DYSF: variants seen among roughly 807,000 people sequenced by gnomAD.
The protein encoded by DYSF is dystrophy-associated fer-1-like 1.
A neutral mutation model predicts 274.9 loss-of-function variants in DYSF; 212 were observed. The observed-to-expected ratio is 0.77, with a 90% CI of 0.69 to 0.86. The LOEUF (loss-of-function observed/expected upper bound fraction) is 0.86, where lower values mean the gene tolerates loss of function less well. DYSF is among the 40% of genes least tolerant of loss of function. DYSF has a pLI of 0.00. For missense variants in DYSF, 2,666 were observed against 2,783.2 expected, an observed-to-expected ratio of 0.96 and a Z score of 0.95; for synonymous variants, 1,091 against 1,078.7, an observed-to-expected ratio of 1.01 and a Z score of -0.22.
intron 30 of DYSF, among the ~76,000 whole-genome samples, chr2:71,583,439 A>G (rs768111707): frequency 6.6e-6 from 1 of 152,176 alleles, no homozygotes; most frequent in African/African-American, 2.4e-5. Flanking sequence ...CTGCTGGAGC[A>G]GGGAAGGTCT....
intron 17 of DYSF, among the ~76,000 whole-genome samples, chr2:71,547,091 A>G (rs2090535528): frequency 6.6e-6 from 1 of 152,254 alleles, no homozygotes; most frequent in Admixed American, 6.5e-5. Flanking sequence ...AAACACAATA[A>G]AACACTTGTG....
At chr2:71,479,387 C>T (rs1486843766) in intron 1 of DYSF, among the ~76,000 whole-genome samples, 3 of 151,838 alleles carry the variant, frequency 2.0e-5, no homozygotes, top group African/African-American at 7.2e-5. Context: ...TGGGGGAACC[C>T]CTCACCCTGA....
At chr2:71,558,900 G>A (rs2091524680) in intron 22 of DYSF, among the ~76,000 whole-genome samples, 1 of 152,122 alleles carries the variant, frequency 6.6e-6, no homozygotes, top group Non-Finnish European at 1.5e-5. Context: ...CAGCTAGAGG[G>A]CTTCCTCCAC....
chr2:71,481,406 C>T (rs191490687), intron 2 of DYSF, among the ~76,000 whole-genome samples: 1 of 152,342 alleles, frequency 6.6e-6, no homozygotes, highest in East Asian at 1.9e-4. Context: ...TGGATGGGGT[C>T]GGATGCACAG....
At position 71,520,250 on chromosome 2, in the gene DYSF, CT is replaced by C. The variant is rs149875093; in HGVS notation, c.1033+43del. On this transcript the variant is annotated intron_variant, in intron 11 of 55. Coordinates refer to ENST00000410020, the MANE Select transcript of DYSF (RefSeq NM_001130987.2). ...TTGGCCGTATCCTTGCATTTTGGTT[CT>C]GGAGGCTGATTGGGGACACTCATTT... 73,909 of 1,612,022 alleles carry C rather than the reference CT, an allele frequency of 0.046. 1,994 individuals are homozygous for C. The highest frequency in any genetic ancestry group is 0.051 in the Non-Finnish European group (60,340 of 1,178,062).
At chr2:71,537,143 CA>C (rs1451865568) in intron 16 of DYSF, among the ~76,000 whole-genome samples, 1 of 149,252 alleles carries the variant, frequency 6.7e-6, no homozygotes, top group Middle Eastern at 3.2e-3. Flanking sequence ...AGACTGGGTA[CA>C]AATGCCATTA....
chr2:71,638,449 T>C (rs1256118535), intron 41 of DYSF, among the ~76,000 whole-genome samples: 1 of 151,614 alleles, frequency 6.6e-6, no homozygotes, highest in Non-Finnish European at 1.5e-5. Context: ...ACAGATTAGA[T>C]AAATGGAGTC....
rs1454137320 is a variant in DYSF at position 71,551,655 on chromosome 2, A to G, written c.1741A>G (p.Lys581Glu). 1 of 1,610,916 alleles carries G rather than the reference A, an allele frequency of 6.2e-7. No homozygotes were observed. Among genetic ancestry groups the G allele is most frequent in the African/African-American group, 1.3e-5 (1 of 74,932 alleles). ...RGRLLLSLET[K>E]LVEHSEQKVE... is the part of the protein sequence containing the mutation. The stretch of plus-strand genomic sequence containing the variant: ...CCGGCTTCTGCTCTCCCTGGAGACC[A>G]AGCTGGTGGAGCACAGTGAACAGAA... Residue 581 changes from lysine (K) to glutamate (E), a missense_variant, in exon 19 of 56, where the codon AAG becomes GAG. Physicochemically the swap from Lys to Glu is moderately conservative, Grantham distance 56. Around this residue, in one of 3 missense-constraint regions of DYSF, gnomAD observed 794 missense variants for 777.1 expected, o/e 1.02. Transcript: ENST00000410020.
At chr2:71,515,484 CT>C in intron 7 of DYSF, 138 bp from the exon 8 acceptor site, 2 of 1,271,454 alleles carry the variant, frequency 1.6e-6, no homozygotes, top group Non-Finnish European at 1.1e-6. Context: ...GTATAATGCT[CT>C]TCCTAATTCC....
At chr2:71,542,579 T>A (rs969839818) in intron 17 of DYSF, among the ~76,000 whole-genome samples, 3 of 152,282 alleles carry the variant, frequency 2.0e-5, no homozygotes, top group South Asian at 2.1e-4. Context: ...ATGACTCTTA[T>A]GGAGCATGCT....
chr2:71,465,777 G>C (rs1355352790), upstream of DYSF, among the ~76,000 whole-genome samples: 3 of 152,186 alleles, frequency 2.0e-5, no homozygotes, highest in Non-Finnish European at 2.9e-5. Context: ...TGGAGTGCTG[G>C]GGGATAGAAG....
intron 41 of DYSF, among the ~76,000 whole-genome samples, chr2:71,642,849 G>T (rs2094507458): frequency 6.6e-6 from 1 of 152,340 alleles, no homozygotes; most frequent in South Asian, 2.1e-4. Context: ...TAGTTTGAAG[G>T]GGCCACCAGC....
intron 3 of DYSF, among the ~76,000 whole-genome samples, chr2:71,497,734 T>C (rs1040830852): frequency 6.6e-6 from 1 of 152,224 alleles, no homozygotes; most frequent in African/African-American, 2.4e-5. Context: ...AGAGAGTTTA[T>C]TTCTGTAATC....
chr2:71,633,241 A>T lies in DYSF; in HGVS notation c.4528-10724A>T, dbSNP rs149492264. ...AAGTGATTTGGTATACACAGGGTGG[A>T]GTAGTTTTGAAGTCGGAGTATTTGC... On this transcript the variant is annotated intron_variant, in intron 41 of 55. Transcript: ENST00000410020. Among the ~76,000 whole-genome samples, 77 of 152,282 alleles carry T rather than the reference A, an allele frequency of 5.1e-4. 1 individual carries two copies. In the East Asian group the frequency reaches 0.014, roughly 27 times the overall value.
chr2:71,511,111 A>G (rs1426138815), intron 4 of DYSF, among the ~76,000 whole-genome samples: 1 of 145,580 alleles, frequency 6.9e-6, no homozygotes, highest in Non-Finnish European at 1.5e-5. Flanking sequence ...TCCCAGGTTC[A>G]GGGTGAGGGT....
intron 1 of DYSF, among the ~76,000 whole-genome samples, chr2:71,454,934 G>A (rs2080993150): frequency 6.6e-6 from 1 of 152,136 alleles, no homozygotes; most frequent in Non-Finnish European, 1.5e-5. Flanking sequence ...AACCATACTG[G>A]GGGAGAAGAA....
At chr2:71,660,727 C>T in intron 45 of DYSF, 76 bp downstream of exon 45, 2 of 1,293,126 alleles carry the variant, frequency 1.5e-6, no homozygotes, top group Admixed American at 3.5e-5. Flanking sequence ...GGAGATGTGA[C>T]TGGCACTGTG....
At position 71,663,899 on chromosome 2, in the gene DYSF, C is replaced by T. The variant is rs576504905; in HGVS notation, c.5004-369C>T. ...TCCTCCCTGGACTGGAGGTACCAGT[C>T]GTCGGTAAATTCCAAAGCTCTGGCC... is the stretch of plus-strand genomic sequence containing the variant. On this transcript the variant is annotated intron_variant, in intron 45 of 55. Transcript: ENST00000410020. Among the ~76,000 whole-genome samples the T allele has an allele frequency of 2.6e-5, 4 of 152,248 alleles. No homozygotes were observed. The South Asian group carries it at 8.3e-4, about 32-fold the overall frequency.
intron 55 of DYSF, among the ~76,000 whole-genome samples, chr2:71,684,367 C>T (rs2095331210): frequency 1.3e-5 from 2 of 152,198 alleles, no homozygotes; most frequent in South Asian, 4.1e-4. Flanking sequence ...GGCACCCTTC[C>T]CAGCCTGCCT....
Sources: gnomAD v4.1 joint callset for allele counts (sites outside exome capture counted in the v4.1 genomes callset) on GRCh38, gnomAD v4.1.1 for gene constraint, gnomAD v4.1.1 regional missense constraint, MANE v1.5 for transcripts, NCBI Gene and HGNC (gene_info 2026-07-23, HGNC 2026-07-21) for gene names.